Variants in TAMM41 observed in about 807,000 individuals in gnomAD.
The protein encoded by TAMM41 is phosphatidate cytidylyltransferase, mitochondrial.
Under a neutral mutation model 44.1 loss-of-function variants are expected in TAMM41, and 36 were observed. That is an observed-to-expected ratio of 0.82 (90% CI 0.63 to 1.08). The LOEUF (loss-of-function observed/expected upper bound fraction) is 1.08, where lower values mean the gene tolerates loss of function less well. Among genes scored for constraint, TAMM41 ranks in the 50% least tolerant of loss-of-function variants. The pLI is 0.00. For synonymous variants in TAMM41, 164 were observed against 153.1 expected, an observed-to-expected ratio of 1.07 and a Z score of -0.53; for missense variants, 417 against 404.3, an observed-to-expected ratio of 1.03 and a Z score of -0.27.
chr3:11,744,734 A>G, the TAMM41 span, among the ~76,000 whole-genome samples: 1 of 152,046 alleles, frequency 6.6e-6, no homozygotes, highest in East Asian at 1.9e-4. Context: ...ATAAAAGGGA[A>G]ACAGAAAATA....
At chr3:11,841,117 C>G (rs1198457910) in intron 2 of TAMM41, among the ~76,000 whole-genome samples, 1 of 107,382 alleles carries the variant, frequency 9.3e-6, no homozygotes, top group African/African-American at 3.5e-5. Flanking sequence ...GAGTCTTACT[C>G]TGTTGCCCAT....
intron 3 of TAMM41, among the ~76,000 whole-genome samples, chr3:11,835,761 G>T (rs915394055): frequency 3.9e-5 from 6 of 152,182 alleles, no homozygotes; most frequent in African/African-American, 1.4e-4. Context: ...AGAAGGCAAA[G>T]ACCATTTTCT....
the TAMM41 span, among the ~76,000 whole-genome samples, chr3:11,764,486 CT>C: frequency 3.2e-3 from 218 of 68,140 alleles, no homozygotes; most frequent in South Asian, 0.02. Context: ...TAATCTTATT[CT>C]TTTTTTTTTT....
At chr3:11,778,065 G>A in the TAMM41 span, among the ~76,000 whole-genome samples, 1 of 151,976 alleles carries the variant, frequency 6.6e-6, no homozygotes, top group African/African-American at 2.4e-5. Context: ...TTGGCATCAT[G>A]TTTTCGAGGC....
chr3:11,763,777 C>T, the TAMM41 span, among the ~76,000 whole-genome samples: 6 of 152,332 alleles, frequency 3.9e-5, no homozygotes, highest in East Asian at 1.2e-3. Flanking sequence ...GAAAGTCACA[C>T]AATGGATAAA....
intron 4 of TAMM41, among the ~76,000 whole-genome samples, chr3:11,818,137 A>G (rs1488314756): frequency 6.6e-6 from 1 of 152,224 alleles, no homozygotes; most frequent in African/African-American, 2.4e-5. Context: ...TTCTGAGTCA[A>G]GCGTGGTGAA....
intron 7 of TAMM41, among the ~76,000 whole-genome samples, chr3:11,793,019 C>A (rs1426387692): frequency 2.1e-5 from 3 of 144,632 alleles, no homozygotes; most frequent in Non-Finnish European, 4.5e-5. Flanking sequence ...CGAGATCACG[C>A]CACTGCACTC....
In TAMM41 at chr3:11,812,372, C is replaced by T. The variant is rs111728026; in HGVS notation, c.709-2690G>A. On this transcript the variant is annotated intron_variant, in intron 5 of 7. Transcript: ENST00000455809. Reference sequence around the variant, plus strand: ...AGAGCAGTGGCACAGCCTGAAGACACTGTCCTGCGAGGATGAGTTGTGCTA... The same window carrying T: ...AGAGCAGTGGCACAGCCTGAAGACATTGTCCTGCGAGGATGAGTTGTGCTA... Among the ~76,000 whole-genome samples the T allele has an allele frequency of 8.6e-3, 1,304 of 152,322 alleles. 14 individuals carry two copies. Among genetic ancestry groups the T allele is most frequent in the African/African-American group, 0.03 (1,230 of 41,572 alleles).
chr3:11,772,074 T>C, the TAMM41 span, among the ~76,000 whole-genome samples: 1 of 144,030 alleles, frequency 6.9e-6, no homozygotes, highest in Non-Finnish European at 1.5e-5. Flanking sequence ...TCTTTTTCTT[T>C]TTTTCTTTTT....
chr3:11,773,397 A>T, the TAMM41 span, among the ~76,000 whole-genome samples: 2 of 151,576 alleles, frequency 1.3e-5, 1 homozygote, highest in Middle Eastern at 6.9e-3. Flanking sequence ...TATAAAATTT[A>T]AAAAATAGAG....
intron 5 of TAMM41, among the ~76,000 whole-genome samples, chr3:11,811,965 T>C (rs1186760282): frequency 9.2e-5 from 14 of 152,224 alleles, no homozygotes; most frequent in Non-Finnish European, 1.8e-4. Context: ...TCTCGCTCTG[T>C]TGCCCAGGCT....
the TAMM41 span, among the ~76,000 whole-genome samples, chr3:11,761,765 G>A: frequency 6.6e-6 from 1 of 151,754 alleles, no homozygotes; most frequent in African/African-American, 2.4e-5. Flanking sequence ...TGACCAACGT[G>A]GTGAAATCCT....
intron 7 of TAMM41, among the ~76,000 whole-genome samples, chr3:11,793,083 A>AAAAAAAAAGAG (rs1553566249): frequency 7.5e-6 from 1 of 132,636 alleles, no homozygotes; most frequent in African/African-American, 2.7e-5. Context: ...AAAAAAAAAA[A>AAAAAAAAAGAG]AGAGAGTGAA....
intron 4 of TAMM41, among the ~76,000 whole-genome samples, chr3:11,822,576 T>C (rs2078566098): frequency 6.6e-6 from 1 of 152,210 alleles, no homozygotes; most frequent in Non-Finnish European, 1.5e-5. Flanking sequence ...GAGATCCAGG[T>C]TGGATCTAAT....
chr3:11,773,036 A>C, the TAMM41 span, among the ~76,000 whole-genome samples: 1 of 152,118 alleles, frequency 6.6e-6, no homozygotes, highest in African/African-American at 2.4e-5. Flanking sequence ...AGCTCACTGC[A>C]ACCTTCGCCT....
chr3:11,827,738 C>G (rs1343181674), intron 4 of TAMM41, among the ~76,000 whole-genome samples: 1 of 151,894 alleles, frequency 6.6e-6, no homozygotes, highest in African/African-American at 2.4e-5. Flanking sequence ...GCCTCTCATC[C>G]TCCACCTACT....
the TAMM41 span, among the ~76,000 whole-genome samples, chr3:11,760,149 T>C: frequency 8.5e-5 from 13 of 152,324 alleles, no homozygotes; most frequent in East Asian, 3.9e-4. Context: ...TATATTAGCT[T>C]ACCTGTCAAA....
chr3:11,790,625 G>C (rs752008035), intron 7 of TAMM41, 44 bp from the exon 8 acceptor site: 3 of 1,516,620 alleles, frequency 2.0e-6, no homozygotes, highest in Admixed American at 1.7e-5. Context: ...GAGGCTTGTT[G>C]AGTGGATGCT....
chr3:11,730,486 A>G, the TAMM41 span, among the ~76,000 whole-genome samples: 1 of 151,798 alleles, frequency 6.6e-6, no homozygotes, highest in South Asian at 2.1e-4. Flanking sequence ...TGTAATCCCA[A>G]CATTTTGGGA....
Sources: gnomAD v4.1 joint callset for allele counts (sites outside exome capture counted in the v4.1 genomes callset) on GRCh38, gnomAD v4.1.1 for gene constraint, MANE v1.5 for transcripts, NCBI Gene and HGNC (gene_info 2026-07-23, HGNC 2026-07-21) for gene names.